ZNF608: variants seen among roughly 807,000 people sequenced by gnomAD.
ZNF608 encodes the protein renal carcinoma antigen NY-REN-36.
In ZNF608, 12 loss-of-function variants were observed where a neutral mutation model predicts 109.0. That is an observed-to-expected ratio of 0.11 (90% CI 0.07 to 0.18). The LOEUF is 0.18. Among genes scored for constraint, ZNF608 ranks in the 10% least tolerant of loss-of-function variants. ZNF608 has a pLI of 1.00. For missense variants in ZNF608, 1,707 were observed against 1,879.3 expected (o/e 0.91, Z 1.70); for synonymous variants, 732 against 717.4 (o/e 1.02, Z -0.33).
At chr5:124,677,803 C>A (rs936783978) in intron 3 of ZNF608, among the ~76,000 whole-genome samples, 3 of 152,198 alleles carry the variant, frequency 2.0e-5, no homozygotes, top group African/African-American at 7.2e-5. Context: ...GTTGCAAAGC[C>A]AAAAGCTAGC....
intron 2 of ZNF608, among the ~76,000 whole-genome samples, chr5:124,724,876 A>T (rs968350906): frequency 1.3e-5 from 2 of 152,158 alleles, no homozygotes; most frequent in Non-Finnish European, 2.9e-5. Flanking sequence ...ACACACTGAG[A>T]TACGTTTAGA....
intron 3 of ZNF608, among the ~76,000 whole-genome samples, chr5:124,658,340 A>C (rs1297913390): frequency 1.3e-5 from 2 of 152,234 alleles, no homozygotes; most frequent in Non-Finnish European, 2.9e-5. Flanking sequence ...AAATAAAAAA[A>C]TACAGTCTTC....
At chr5:124,690,437 T>C (rs1752568028) in intron 3 of ZNF608, among the ~76,000 whole-genome samples, 1 of 152,242 alleles carries the variant, frequency 6.6e-6, no homozygotes, top group South Asian at 2.1e-4. Context: ...TGGTGGGGAA[T>C]GTTGATAATG....
chr5:124,713,467 T>C (rs956772335), intron 2 of ZNF608, among the ~76,000 whole-genome samples: 2 of 152,248 alleles, frequency 1.3e-5, no homozygotes, highest in Admixed American at 6.5e-5. Context: ...TGAACACTTA[T>C]TAAGTGGAAT....
intron 2 of ZNF608, among the ~76,000 whole-genome samples, chr5:124,742,185 GTGAAAAGAACACACAAAAAC>G: frequency 6.6e-6 from 1 of 152,296 alleles, no homozygotes; most frequent in Non-Finnish European, 1.5e-5. Context: ...TGACTGGAAA[GTGAAAAGAACACACAAAAAC>G]TGGAGAAACG....
chr5:124,678,392 C>T (rs943164873), intron 3 of ZNF608, among the ~76,000 whole-genome samples: 1 of 152,152 alleles, frequency 6.6e-6, no homozygotes, highest in Non-Finnish European at 1.5e-5. Flanking sequence ...AAATGGCTGA[C>T]CAAGAATGCA....
At chr5:124,735,052 C>A (rs1580715649) in intron 2 of ZNF608, 1 of 152,164 alleles carries the variant, frequency 6.6e-6, no homozygotes, top group Non-Finnish European at 1.5e-5. Flanking sequence ...GGAAAAAATG[C>A]AAATCCTGGA....
At chr5:124,731,218 T>G (rs866663452) in intron 2 of ZNF608, among the ~76,000 whole-genome samples, 1 of 152,296 alleles carries the variant, frequency 6.6e-6, no homozygotes, top group African/African-American at 2.4e-5. Flanking sequence ...TATTGTTTTT[T>G]GGGTTTTTTT....
upstream of ZNF608, chr5:124,748,700 T>G (rs1324820221): frequency 9.0e-6 from 5 of 554,630 alleles, no homozygotes; most frequent in Admixed American, 6.4e-5. Flanking sequence ...AAGCAAAAAT[T>G]AAAATTTAAA....
chr5:124,747,814 A>T (rs993848740), upstream of ZNF608, among the ~76,000 whole-genome samples: 2 of 152,312 alleles, frequency 1.3e-5, no homozygotes, highest in African/African-American at 4.8e-5. Context: ...CGGCTTTCCC[A>T]AGGGGCCAGG....
At chr5:124,701,435 T>C (rs1488912593) in intron 2 of ZNF608, among the ~76,000 whole-genome samples, 166 bp from the exon 3 acceptor site, 2 of 152,192 alleles carry the variant, frequency 1.3e-5, no homozygotes, top group African/African-American at 4.8e-5. Context: ...AGAATAGAAA[T>C]GAGCATTTTG....
intron 2 of ZNF608, among the ~76,000 whole-genome samples, chr5:124,704,665 C>T (rs1316835742): frequency 1.3e-5 from 2 of 151,976 alleles, no homozygotes; most frequent in Non-Finnish European, 2.9e-5. Context: ...GGATTATGTG[C>T]TCTCCTGGGC....
intron 2 of ZNF608, among the ~76,000 whole-genome samples, chr5:124,718,281 TTC>T (rs1435360040): frequency 6.6e-6 from 1 of 152,206 alleles, no homozygotes; most frequent in African/African-American, 2.4e-5. Context: ...AACAAAAAAA[TTC>T]TCTTTCACAT....
intron 3 of ZNF608, among the ~76,000 whole-genome samples, chr5:124,678,561 C>T (rs1459876903): frequency 6.6e-6 from 1 of 152,342 alleles, no homozygotes; most frequent in South Asian, 2.1e-4. Flanking sequence ...GCTGCCATTC[C>T]GTTCCCATGC....
At chr5:124,666,731 G>A (rs901186137) in intron 3 of ZNF608, among the ~76,000 whole-genome samples, 1 of 150,354 alleles carries the variant, frequency 6.7e-6, no homozygotes, top group South Asian at 2.1e-4. Flanking sequence ...GTGTGTGTGT[G>A]TGTGTGTGTG....
At chr5:124,638,981 G>A (rs1580511101) in intron 9 of ZNF608, 152 bp downstream of exon 9, 6 of 824,260 alleles carry the variant, frequency 7.3e-6, no homozygotes, top group Middle Eastern at 4.7e-4. Context: ...AGTTGCATGT[G>A]AAGCAACTTA....
intron 2 of ZNF608, among the ~76,000 whole-genome samples, chr5:124,725,321 T>C (rs567358492): frequency 2.6e-5 from 4 of 152,188 alleles, no homozygotes; most frequent in African/African-American, 7.2e-5. Context: ...ATAAGCTTCA[T>C]GATAGCAGAG....
At chr5:124,683,499 C>T (rs1024738015) in intron 3 of ZNF608, among the ~76,000 whole-genome samples, 25 of 152,018 alleles carry the variant, frequency 1.6e-4, no homozygotes, top group African/African-American at 6.0e-4. Context: ...TATAAAATAC[C>T]TAAAACTGAA....
chr5:124,737,548 T>TG (rs1411349624), intron 2 of ZNF608, among the ~76,000 whole-genome samples: 3 of 152,174 alleles, frequency 2.0e-5, no homozygotes, highest in African/African-American at 7.2e-5. Flanking sequence ...TTAGTTTCAC[T>TG]GGGGGGAAAA....
Sources: allele counts gnomAD v4.1 joint callset (sites outside exome capture counted in the v4.1 genomes callset), GRCh38; gene constraint gnomAD v4.1.1; transcripts MANE v1.5; gene names NCBI Gene and HGNC (gene_info 2026-07-23, HGNC 2026-07-21).